Variants in PDE11A observed in about 807,000 individuals in gnomAD.
PDE11A encodes the protein dual 3',5'-cyclic-AMP and -GMP phosphodiesterase 11A.
A neutral mutation model predicts 100.5 loss-of-function variants in PDE11A; 100 were observed. That is an observed-to-expected ratio of 1.00 (90% CI 0.85 to 1.18). The LOEUF is 1.18. PDE11A is among the 50% of genes most tolerant of loss of function. The pLI is 0.00. For missense variants in PDE11A, 1,141 were observed against 1,152.6 expected (o/e 0.99, Z 0.15); for synonymous variants, 381 against 420.8 (o/e 0.91, Z 1.16).
intron 10 of PDE11A, among the ~76,000 whole-genome samples, chr2:177,754,404 C>T (rs2082064827): frequency 6.6e-6 from 1 of 152,228 alleles, no homozygotes; most frequent in South Asian, 2.1e-4. Flanking sequence ...CCTCAGATCT[C>T]CTGCTTTTTA....
chr2:177,911,269 C>T (rs35391652), intron 2 of PDE11A, among the ~76,000 whole-genome samples: 15,949 of 152,046 alleles, frequency 0.1, 1,148 homozygotes, highest in Non-Finnish European at 0.15. Flanking sequence ...TATTTTCATA[C>T]GATGAAATAC....
rs541009791 is a variant in PDE11A at position 177,824,989 on chromosome 2, A to G, written c.1501-4694T>C. ...CTAGTTTGTAAATTTTAGATAATAAACACAGATAATTTGTCCATAAGGGAA... is the reference window on the plus strand; with the variant it reads ...CTAGTTTGTAAATTTTAGATAATAAGCACAGATAATTTGTCCATAAGGGAA... On this transcript the variant is annotated intron_variant, in intron 6 of 19. Coordinates refer to ENST00000286063, the MANE Select transcript of PDE11A (RefSeq NM_016953.4). Among the ~76,000 whole-genome samples the G allele has an allele frequency of 1.1e-3, 161 of 152,328 alleles. 2 individuals carry two copies. Among genetic ancestry groups the G allele is most frequent in the Middle Eastern group, 6.8e-3 (2 of 294 alleles).
At chr2:177,898,269 T>A (rs1257839115) in intron 3 of PDE11A, 71 bp from the exon 4 acceptor site, 17 of 997,800 alleles carry the variant, frequency 1.7e-5, no homozygotes, top group Non-Finnish European at 2.5e-5. Flanking sequence ...TTCTTAAAAT[T>A]TAATCTTTGC....
intron 1 of PDE11A, among the ~76,000 whole-genome samples, chr2:178,070,882 A>G (rs1366960894): frequency 1.3e-5 from 2 of 152,222 alleles, no homozygotes; most frequent in Non-Finnish European, 2.9e-5. Flanking sequence ...TAGCCCCTCT[A>G]TCTGTCCAAT....
chr2:177,631,274 C>T (rs1272684665), intron 19 of PDE11A, among the ~76,000 whole-genome samples: 1 of 125,484 alleles, frequency 8.0e-6, no homozygotes, highest in Non-Finnish European at 1.5e-5. Context: ...GGTGAAACCT[C>T]ATCTCTACTA....
At chr2:177,637,127 C>A (rs985910696) in intron 19 of PDE11A, among the ~76,000 whole-genome samples, 2 of 152,178 alleles carry the variant, frequency 1.3e-5, no homozygotes, top group Admixed American at 1.3e-4. Flanking sequence ...GCCTAAAGGC[C>A]ATTATCTCAT....
intron 10 of PDE11A, among the ~76,000 whole-genome samples, chr2:177,763,913 G>A (rs2082204426): frequency 6.6e-6 from 1 of 152,198 alleles, no homozygotes; most frequent in African/African-American, 2.4e-5. Context: ...GCCAAGAGAA[G>A]GGGGGCAGCC....
Position 177,832,488 on chromosome 2 carries a change from C to G in PDE11A, c.1500+7763G>C, listed in dbSNP as rs151088664. ...TGGGATTCGGACTGGCTTCCTTGCTCCTCAGCTTCCAGCCTATTGTAGGAC... is the reference window on the plus strand; with the variant it reads ...TGGGATTCGGACTGGCTTCCTTGCTGCTCAGCTTCCAGCCTATTGTAGGAC... On this transcript the variant is annotated intron_variant, in intron 6 of 19. Transcript: ENST00000286063. Among the ~76,000 whole-genome samples, 40 of 152,256 alleles carry G rather than the reference C, an allele frequency of 2.6e-4. No individual in the cohort carries two copies. In the East Asian group the frequency reaches 7.5e-3, roughly 29 times the overall value.
chr2:177,837,476 CTTT>C (rs35254631), intron 6 of PDE11A, among the ~76,000 whole-genome samples: 3 of 141,676 alleles, frequency 2.1e-5, no homozygotes, highest in Non-Finnish European at 4.6e-5. Flanking sequence ...TTCTTTCTTT[CTTT>C]TTTTTTTTTT....
intron 5 of PDE11A, among the ~76,000 whole-genome samples, chr2:177,855,903 AACACACAC>A (rs57202805): frequency 0.084 from 11,660 of 139,444 alleles, 598 homozygotes; most frequent in Admixed American, 0.16. Context: ...GAACGTATGC[AACACACAC>A]ACACACACAC....
intron 9 of PDE11A, among the ~76,000 whole-genome samples, chr2:177,808,111 G>A (rs2082900075): frequency 6.6e-6 from 1 of 152,178 alleles, no homozygotes; most frequent in Non-Finnish European, 1.5e-5. Flanking sequence ...ATGGAGGGAT[G>A]AAGCGAGATA....
At chr2:177,909,976 C>T (rs757130702) in intron 2 of PDE11A, among the ~76,000 whole-genome samples, 8 of 152,116 alleles carry the variant, frequency 5.3e-5, no homozygotes, top group Non-Finnish European at 8.8e-5. Flanking sequence ...CCTTTGTCTC[C>T]GGTTTCTTTT....
At chr2:177,681,770 G>A (rs1174402788) in intron 15 of PDE11A, among the ~76,000 whole-genome samples, 1 of 152,106 alleles carries the variant, frequency 6.6e-6, no homozygotes, top group Non-Finnish European at 1.5e-5. Flanking sequence ...TGGAATTCAG[G>A]TACAGCTGAC....
chr2:177,747,789 A>G (rs770194487), intron 10 of PDE11A, among the ~76,000 whole-genome samples: 3 of 152,168 alleles, frequency 2.0e-5, no homozygotes, highest in Admixed American at 6.5e-5. Context: ...TCCTCAGCTC[A>G]GCTCACTAGG....
intron 5 of PDE11A, among the ~76,000 whole-genome samples, chr2:177,850,787 G>A (rs1323722794): frequency 3.9e-5 from 6 of 152,128 alleles, no homozygotes; most frequent in Non-Finnish European, 7.3e-5. Context: ...ATGAAAAAAT[G>A]CTCATCATCA....
intron 16 of PDE11A, among the ~76,000 whole-genome samples, chr2:177,679,388 G>A (rs925413689): frequency 6.6e-6 from 1 of 152,134 alleles, no homozygotes; most frequent in Non-Finnish European, 1.5e-5. Context: ...TGTTAAAATA[G>A]ACAATCAAAA....
chr2:177,679,827 G>T (rs2080833802), intron 16 of PDE11A, among the ~76,000 whole-genome samples: 1 of 152,048 alleles, frequency 6.6e-6, no homozygotes, highest in South Asian at 2.1e-4. Context: ...GAGCCAGGTT[G>T]GGGTAAGGGG....
intron 19 of PDE11A, among the ~76,000 whole-genome samples, chr2:177,645,429 T>A (rs1442752913): frequency 6.6e-6 from 1 of 152,148 alleles, no homozygotes; most frequent in Non-Finnish European, 1.5e-5. Context: ...ACTCCTGACC[T>A]GAAGTGATCC....
intron 3 of PDE11A, among the ~76,000 whole-genome samples, chr2:177,903,940 G>A (rs1282034756): frequency 6.6e-6 from 1 of 152,156 alleles, no homozygotes; most frequent in Non-Finnish European, 1.5e-5. Context: ...TCAAAACAGA[G>A]AAAAGATGTG....
Sources: gnomAD v4.1 joint callset for allele counts (sites outside exome capture counted in the v4.1 genomes callset) on GRCh38, gnomAD v4.1.1 for gene constraint, MANE v1.5 for transcripts, NCBI Gene and HGNC (gene_info 2026-07-23, HGNC 2026-07-21) for gene names.